The following PRR7 variants were observed in gnomAD, a reference collection of about 807,000 sequenced individuals.
PRR7 encodes proline rich 7, synaptic, also known as proline-rich protein 7.
Under a neutral mutation model 18.5 loss-of-function variants are expected in PRR7, and 8 were observed. That is an observed-to-expected ratio of 0.43 (90% CI 0.25 to 0.78). The LOEUF (loss-of-function observed/expected upper bound fraction) is 0.78, where lower values mean the gene tolerates loss of function less well. Among genes scored for constraint, PRR7 ranks in the 30% least tolerant of loss-of-function variants. PRR7 has a pLI of 0.22. For synonymous variants in PRR7, 221 were observed against 187.7 expected (o/e 1.18, Z -1.45); for missense variants, 396 against 403.1 (o/e 0.98, Z 0.15).
Position 177,455,843 on chromosome 5 carries a change from C to T in PRR7, c.547C>T (p.Pro183Ser), listed in dbSNP as rs745360921. Residue 183 changes from proline to serine, a missense_variant, in exon 4 of 4, where the codon CCC becomes TCC. Coordinates refer to ENST00000323249, the MANE Select transcript of PRR7 (RefSeq NM_030567.5). The surrounding 1 kb of genome is among the most constrained non-coding windows in gnomAD (Gnocchi z 6.9). ...CGGCCTCTACCGCAAGATCGTCACG[C>T]CCTTCCTGAGTCGCCGCGACAGCGC... ...TRGLYRKIVT[P>S]FLSRRDSAEK... The T allele has an allele frequency of 1.2e-6, 2 of 1,612,144 alleles. No homozygotes were observed. Among genetic ancestry groups the T allele is most frequent in the African/African-American group, 1.3e-5 (1 of 75,026 alleles).
intron 1 of PRR7, among the ~76,000 whole-genome samples, chr5:177,452,619 G>A (rs1462151270): frequency 2.0e-5 from 3 of 152,194 alleles, no homozygotes; most frequent in African/African-American, 7.2e-5. Context: ...TCCACCTGGG[G>A]GTGGAGCCAG....
chr5:177,455,561 C>T lies in PRR7; in HGVS notation c.427+67C>T. On this transcript the variant is annotated intron_variant, in intron 3 of 3. Coordinates refer to ENST00000323249, the MANE Select transcript of PRR7 (RefSeq NM_030567.5). This position sits in a 1 kb window ranked among gnomAD's most constrained non-coding sequence, Gnocchi z 6.9. ...AAGTGGGCGGGCGTTGGAGGGCTCG[C>T]TGCTTACCCTCAGGGCTTCCATCCG... 5 of 1,425,710 alleles carry T rather than the reference C, an allele frequency of 3.5e-6. No homozygotes were observed. Among genetic ancestry groups the T allele is most frequent in the Non-Finnish European group, 3.6e-6 (4 of 1,099,352 alleles). 88.3% of individuals were successfully genotyped at this position (1,425,710 alleles called of 1,614,324 possible). A position where few individuals can be genotyped will look rare whatever the true frequency, so the allele number is the denominator to read the frequency against.
intron 1 of PRR7, among the ~76,000 whole-genome samples, chr5:177,447,256 CCCCT>C (rs1201369378): frequency 6.6e-6 from 1 of 152,054 alleles, no homozygotes; most frequent in East Asian, 1.9e-4. Context: ...ACGCCCCCTC[CCCCT>C]CCCTCCCCCC....
At position 177,455,701 on chromosome 5, in the gene PRR7, T is replaced by C; in HGVS notation, c.428-23T>C. On this transcript the variant is annotated intron_variant, in intron 3 of 3. Transcript: ENST00000323249. This position sits in a 1 kb window ranked among gnomAD's most constrained non-coding sequence, Gnocchi z 6.9. ...GCTGGGAACCGGCGGCCTCACCTCC[T>C]CCGACCGCCTCCCACTCCGCAGCGG... 6.5e-7 allele frequency: 1 copy of C among 1,547,596 alleles called. No individual in the cohort carries two copies. The highest frequency in any genetic ancestry group is 8.7e-7 in the Non-Finnish European group (1 of 1,144,006).
chr5:177,455,124 C>T lies in PRR7; in HGVS notation c.57C>T (p.Leu19=). The T allele has an allele frequency of 1.3e-6, 2 of 1,535,122 alleles. No individual in the cohort carries two copies. Among genetic ancestry groups the T allele is most frequent in the Non-Finnish European group, 8.7e-7 (1 of 1,143,066 alleles). The change falls in exon 3 of 4, where the codon CTC becomes CTT. Residue 19 remains leucine (L), a synonymous_variant. Transcript: ENST00000323249. This position sits in a 1 kb window ranked among gnomAD's most constrained non-coding sequence, Gnocchi z 6.9. ...TCACGTGCTTCGCCGGCTTCTGGCT[C>T]ATCTGGGGTCTCATCGTCCTGCTCT... ...TFLTCFAGFW[L]IWGLIVLLCC... is the part of the protein sequence containing the mutation.
In PRR7 at chr5:177,452,589, A is replaced by G. The variant is rs543458442; in HGVS notation, c.-324-1367A>G. ...TGGCACTGCCGAGAAGACAGCGTTCAGTGTCAAATCCCTACCCACTCCACC... is the reference window on the plus strand; with the variant it reads ...TGGCACTGCCGAGAAGACAGCGTTCGGTGTCAAATCCCTACCCACTCCACC... On this transcript the variant is annotated intron_variant, in intron 1 of 3. Transcript: ENST00000323249. Among the ~76,000 whole-genome samples, 9 of 152,348 alleles carry G rather than the reference A, an allele frequency of 5.9e-5. No homozygotes were observed. In the South Asian group the frequency reaches 1.9e-3, roughly 32 times the overall value.
chr5:177,452,394 G>A (rs938831088), intron 1 of PRR7, among the ~76,000 whole-genome samples: 1 of 152,242 alleles, frequency 6.6e-6, no homozygotes, highest in Non-Finnish European at 1.5e-5. Context: ...AGGGGGCATG[G>A]TTTTTTCGGG....
In PRR7 at chr5:177,456,180, T is replaced by C; in HGVS notation, c.*59T>C. ...ACTCCTGGCCTGACTGCGGGGCTTT[T>C]TAAATGCTTCCCTGGACTGCGGGGA... On this transcript the variant is annotated 3_prime_UTR_variant, in exon 4 of 4. Coordinates refer to ENST00000323249, the MANE Select transcript of PRR7 (RefSeq NM_030567.5). 2 of 1,316,970 alleles carry C rather than the reference T, an allele frequency of 1.5e-6. No homozygotes were observed. Among genetic ancestry groups the C allele is most frequent in the Non-Finnish European group, 2.0e-6 (2 of 1,014,766 alleles). 81.6% of individuals were successfully genotyped at this position (1,316,970 alleles called of 1,614,324 possible).
Position 177,450,753 on chromosome 5 carries a change from A to C in PRR7, c.-324-3203A>C, listed in dbSNP as rs1038774813. On this transcript the variant is annotated intron_variant, in intron 1 of 3. Coordinates refer to ENST00000323249, the MANE Select transcript of PRR7 (RefSeq NM_030567.5). This position sits in a 1 kb window ranked among gnomAD's most constrained non-coding sequence, Gnocchi z 6.6. ...CAGCACCTAGGTCAGTGGTTCTCAA[A>C]GTGTGCTCCCTGGCCCTGCAGTACC... Among the ~76,000 whole-genome samples the C allele has an allele frequency of 6.6e-6, 1 of 152,204 alleles. No homozygotes were observed. The highest frequency in any genetic ancestry group is 2.4e-5 in the African/African-American group (1 of 41,448).
Position 177,455,325 on chromosome 5 carries a change from G to A in PRR7, c.258G>A (p.Ala86=). Residue 86 remains alanine, a synonymous_variant, in exon 3 of 4, where the codon GCG becomes GCA. Transcript: ENST00000323249. The surrounding 1 kb of genome is among the most constrained non-coding windows in gnomAD (Gnocchi z 6.9). ...CACCACACCGTAGCCGCCTGGAGGC[G>A]CCGGCTCACGCGCACTCGCATCCGC... The part of the protein sequence containing the change: ...QPPPHRSRLE[A]PAHAHSHPHV... 5 of 1,485,040 alleles carry A rather than the reference G, an allele frequency of 3.4e-6. No individual in the cohort carries two copies. The highest frequency in any genetic ancestry group is 3.5e-6 in the Non-Finnish European group (4 of 1,126,990). The allele number at this position is 1,485,040 out of a possible 1,614,324, so 92.0% of individuals were successfully genotyped here.
chr5:177,455,890 T>A lies in PRR7; in HGVS notation c.594T>A (p.Pro198=). 6.2e-7 allele frequency: 1 copy of A among 1,609,964 alleles called. No homozygotes were observed. Among genetic ancestry groups the A allele is most frequent in the Middle Eastern group, 1.7e-4 (1 of 6,052 alleles). The change falls in exon 4 of 4, where the codon CCT becomes CCA. Residue 198 remains proline (P), a synonymous_variant. Coordinates refer to ENST00000323249, the MANE Select transcript of PRR7 (RefSeq NM_030567.5). The surrounding 1 kb of genome is among the most constrained non-coding windows in gnomAD (Gnocchi z 6.9). ...GCGCGGAGAAGCAGGAGCAGCCGCCTCCCAGCTACAAGCCGCTCTTCCTGG... is the reference window on the plus strand; with the variant it reads ...GCGCGGAGAAGCAGGAGCAGCCGCCACCCAGCTACAAGCCGCTCTTCCTGG... ...RDSAEKQEQP[P]PSYKPLFLDR...
At position 177,453,996 on chromosome 5, in the gene PRR7, G is replaced by A. The variant is rs1756274518; in HGVS notation, c.-284G>A. 2.0e-5 allele frequency: 3 copies of A among 152,294 alleles called. No individual in the cohort carries two copies. 9.4% of individuals were successfully genotyped at this position (152,294 alleles called of 1,614,324 possible). A position where few individuals can be genotyped will look rare whatever the true frequency, so the allele number is the denominator to read the frequency against. ...CTCTCACCCGCAGCTGTGGAGAGGAGGAAGCGGAACTAGAGATGCCCATCT... is the reference window on the plus strand; with the variant it reads ...CTCTCACCCGCAGCTGTGGAGAGGAAGAAGCGGAACTAGAGATGCCCATCT... On this transcript the variant is annotated 5_prime_UTR_variant, in exon 2 of 4. Coordinates refer to ENST00000323249, the MANE Select transcript of PRR7 (RefSeq NM_030567.5).
At chr5:177,453,344 G>T (rs1756245057) in intron 1 of PRR7, among the ~76,000 whole-genome samples, 1 of 152,214 alleles carries the variant, frequency 6.6e-6, no homozygotes, top group African/African-American at 2.4e-5. Flanking sequence ...AACTCCCAGT[G>T]ACTGGCAGCA....
chr5:177,454,589 C>G lies in PRR7; in HGVS notation c.-239-240C>G, dbSNP rs941787082. Among the ~76,000 whole-genome samples, 2 of 152,076 alleles carry G rather than the reference C, an allele frequency of 1.3e-5. No individual in the cohort carries two copies. Among genetic ancestry groups the G allele is most frequent in the African/African-American group, 4.8e-5 (2 of 41,416 alleles). ...GTCCTTCGCGCGCCCCCTGCTGGCC[C>G]GCCTCGGCTCCCCTCGGCGCCCGGG... is the stretch of plus-strand genomic sequence containing the variant. On this transcript the variant is annotated intron_variant, in intron 2 of 3. Coordinates refer to ENST00000323249, the MANE Select transcript of PRR7 (RefSeq NM_030567.5). This position sits in a 1 kb window ranked among gnomAD's most constrained non-coding sequence, Gnocchi z 4.7.
At chr5:177,452,846 A>C (rs963428307) in intron 1 of PRR7, among the ~76,000 whole-genome samples, 4 of 152,124 alleles carry the variant, frequency 2.6e-5, no homozygotes, top group African/African-American at 9.7e-5. Context: ...CTGCCATTAC[A>C]TCTCCCCTTC....
chr5:177,452,022 C>G (rs1053483962), intron 1 of PRR7, among the ~76,000 whole-genome samples: 2 of 152,192 alleles, frequency 1.3e-5, no homozygotes, highest in African/African-American at 4.8e-5. Context: ...CTTTCATCCC[C>G]CTGCCGTGCT....
At position 177,450,374 on chromosome 5, in the gene PRR7, T is replaced by G. The variant is rs1256534065; in HGVS notation, c.-325+3414T>G. Among the ~76,000 whole-genome samples, 1 of 152,162 alleles carries G rather than the reference T, an allele frequency of 6.6e-6. No individual in the cohort carries two copies. Among genetic ancestry groups the G allele is most frequent in the Non-Finnish European group, 1.5e-5 (1 of 68,026 alleles). The stretch of plus-strand genomic sequence containing the variant: ...TTTTCCTTTGATTCACGTAGACACA[T>G]GGGGTCTCCACTTGCTTATGAACTG... On this transcript the variant is annotated intron_variant, in intron 1 of 3. Coordinates refer to ENST00000323249, the MANE Select transcript of PRR7 (RefSeq NM_030567.5). The surrounding 1 kb of genome is among the most constrained non-coding windows in gnomAD (Gnocchi z 6.6).
intron 1 of PRR7, among the ~76,000 whole-genome samples, chr5:177,448,026 C>A (rs1001563063): frequency 2.6e-5 from 4 of 152,224 alleles, no homozygotes; most frequent in Non-Finnish European, 5.9e-5. Flanking sequence ...ACCTCTGGCT[C>A]CCCTCCCAAC....
Position 177,450,512 on chromosome 5 carries a change from G to A in PRR7, c.-324-3444G>A, listed in dbSNP as rs139579188. 2.1e-3 allele frequency among the ~76,000 whole-genome samples: 324 copies of A among 152,290 alleles called. 1 individual carries two copies. Among genetic ancestry groups the A allele is most frequent in the African/African-American group, 4.5e-3 (186 of 41,542 alleles). On this transcript the variant is annotated intron_variant, in intron 1 of 3. Transcript: ENST00000323249. The surrounding 1 kb of genome is among the most constrained non-coding windows in gnomAD (Gnocchi z 6.6). ...GAGCCAGCCCTTGAGGTACTCCCCC[G>A]GTCCCACAGCTAAAAGACCAACCAG... is the stretch of plus-strand genomic sequence containing the variant.
Sources: allele counts gnomAD v4.1 joint callset (sites outside exome capture counted in the v4.1 genomes callset), GRCh38; gene constraint gnomAD v4.1.1; non-coding constraint Gnocchi (gnomAD v3.1); transcripts MANE v1.5; gene names NCBI Gene and HGNC (gene_info 2026-07-23, HGNC 2026-07-21).